The following LRRC4C variants were observed in gnomAD, a reference collection of about 807,000 sequenced individuals.
The protein encoded by LRRC4C is leucine-rich repeat-containing protein 4C.
LRRC4C carries 5 observed loss-of-function variants against 33.6 expected under a neutral mutation model. That is an observed-to-expected ratio of 0.15 (90% CI 0.08 to 0.31). LRRC4C has a LOEUF of 0.31. Ranked by LOEUF, LRRC4C falls within the 10% of genes least tolerant of loss-of-function variation. The probability of loss-of-function intolerance (pLI) is 1.00; values close to 1 mark genes in which losing one functional copy is unlikely to be tolerated. For missense variants in LRRC4C, 560 were observed against 796.7 expected (o/e 0.70, Z 3.58); for synonymous variants, 329 against 302.0 (o/e 1.09, Z -0.93).
intron 1 of LRRC4C, among the ~76,000 whole-genome samples, chr11:40,991,086 A>G (rs551596933): frequency 6.6e-6 from 1 of 151,776 alleles, no homozygotes; most frequent in Admixed American, 6.6e-5. Context: ...TTACAAAAAA[A>G]AAAAAAAGAA....
chr11:40,236,664 A>C (rs2136056616), intron 5 of LRRC4C, among the ~76,000 whole-genome samples: 1 of 152,220 alleles, frequency 6.6e-6, no homozygotes, highest in South Asian at 2.1e-4. Context: ...TTTTCCCTGT[A>C]ATAGCAATAT....
At chr11:40,559,445 A>C (rs1565504555) in intron 3 of LRRC4C, among the ~76,000 whole-genome samples, 2 of 152,108 alleles carry the variant, frequency 1.3e-5, no homozygotes, top group Non-Finnish European at 2.9e-5. Context: ...TTGGCCTCCC[A>C]AAGTGCTGGG....
intron 4 of LRRC4C, among the ~76,000 whole-genome samples, chr11:40,257,074 T>C (rs2136224335): frequency 6.6e-6 from 1 of 152,268 alleles, no homozygotes; most frequent in African/African-American, 2.4e-5. Context: ...GCTCTTGTAT[T>C]TTGAAGGGCT....
intron 1 of LRRC4C, among the ~76,000 whole-genome samples, chr11:40,937,605 G>GTC (rs1565221151): frequency 1.0e-5 from 1 of 99,268 alleles, no homozygotes; most frequent in Non-Finnish European, 2.1e-5. Flanking sequence ...GTGTGTATAT[G>GTC]TGTGTGTGTG....
chr11:41,218,025 A>T (rs1015447931), intron 1 of LRRC4C, among the ~76,000 whole-genome samples: 1 of 152,150 alleles, frequency 6.6e-6, no homozygotes, highest in Non-Finnish European at 1.5e-5. Context: ...TCCAAATAAA[A>T]TGAGGCCTAC....
chr11:40,172,469 C>T (rs1170901432), intron 5 of LRRC4C, among the ~76,000 whole-genome samples: 1 of 152,026 alleles, frequency 6.6e-6, no homozygotes, highest in Non-Finnish European at 1.5e-5. Context: ...TTTCCTATTC[C>T]ACTTCCTAAG....
At chr11:40,356,506 C>T (rs975766382) in intron 3 of LRRC4C, among the ~76,000 whole-genome samples, 8 of 152,088 alleles carry the variant, frequency 5.3e-5, no homozygotes, top group Admixed American at 4.6e-4. Context: ...AATGTCTGGC[C>T]GCTAAGGGTA....
intron 1 of LRRC4C, among the ~76,000 whole-genome samples, chr11:41,133,777 C>T (rs916291948): frequency 6.6e-6 from 1 of 152,136 alleles, no homozygotes; most frequent in African/African-American, 2.4e-5. Context: ...ACATAGCATC[C>T]TTATCTTACC....
At chr11:40,627,478 C>T (rs904788706) in intron 3 of LRRC4C, among the ~76,000 whole-genome samples, 1 of 152,048 alleles carries the variant, frequency 6.6e-6, no homozygotes, top group African/African-American at 2.4e-5. Context: ...AAGTCTCATT[C>T]TTGTAAAATA....
At chr11:41,416,819 C>A (rs1043998218) in intron 1 of LRRC4C, among the ~76,000 whole-genome samples, 1 of 151,918 alleles carries the variant, frequency 6.6e-6, no homozygotes, top group African/African-American at 2.4e-5. Context: ...TGTGTGAAAA[C>A]GCATCAAAAG....
intron 5 of LRRC4C, among the ~76,000 whole-genome samples, chr11:40,207,100 C>T (rs552356983): frequency 2.6e-5 from 4 of 152,280 alleles, no homozygotes; most frequent in East Asian, 1.9e-4. Context: ...CCAATATTCA[C>T]GAACTCATTA....
At chr11:40,216,187 T>G (rs1430582826) in intron 5 of LRRC4C, among the ~76,000 whole-genome samples, 2 of 152,186 alleles carry the variant, frequency 1.3e-5, no homozygotes, top group African/African-American at 4.8e-5. Context: ...CTCTCATCAC[T>G]CACTACTTGG....
At chr11:40,628,272 T>C (rs1467956440) in intron 3 of LRRC4C, among the ~76,000 whole-genome samples, 1 of 151,914 alleles carries the variant, frequency 6.6e-6, no homozygotes, top group Non-Finnish European at 1.5e-5. Context: ...GGTCAGGAGA[T>C]CGAGACCATC....
chr11:41,020,103 A>G (rs980103074), intron 1 of LRRC4C, among the ~76,000 whole-genome samples: 4 of 152,072 alleles, frequency 2.6e-5, no homozygotes, highest in Non-Finnish European at 5.9e-5. Context: ...CCCTACTTTT[A>G]ACTATTGACA....
intron 2 of LRRC4C, among the ~76,000 whole-genome samples, chr11:40,697,995 G>C (rs1378059723): frequency 6.6e-6 from 1 of 151,146 alleles, no homozygotes; most frequent in Non-Finnish European, 1.5e-5. Flanking sequence ...ATGAACCCGG[G>C]AGGCAGAGCT....
intron 3 of LRRC4C, among the ~76,000 whole-genome samples, chr11:40,436,463 A>G (rs1234480652): frequency 2.0e-5 from 3 of 152,174 alleles, no homozygotes; most frequent in Non-Finnish European, 2.9e-5. Flanking sequence ...TGGCCAGGAG[A>G]AATACATTTC....
At chr11:41,336,709 G>A (rs1212305046) in intron 1 of LRRC4C, among the ~76,000 whole-genome samples, 1 of 152,180 alleles carries the variant, frequency 6.6e-6, no homozygotes, top group African/African-American at 2.4e-5. Flanking sequence ...CCAGCTTCAT[G>A]TCTTCCCTCC....
intron 1 of LRRC4C, among the ~76,000 whole-genome samples, chr11:41,199,437 C>A (rs1028731457): frequency 2.0e-5 from 3 of 152,028 alleles, no homozygotes; most frequent in Non-Finnish European, 2.9e-5. Context: ...CTCTTCCGGG[C>A]AGTCTTGCAA....
rs182316595 is a variant in LRRC4C, at chr11:40,376,271, G to A, written c.-269-56550C>T. Among the ~76,000 whole-genome samples the A allele has an allele frequency of 7.9e-5, 12 of 152,250 alleles. No homozygotes were observed. The South Asian group carries it at 1.9e-3, about 24-fold the overall frequency. On this transcript the variant is annotated intron_variant, in intron 3 of 6. Coordinates refer to ENST00000528697, the MANE Select transcript of LRRC4C (RefSeq NM_001258419.2). ...TCAGACATTCCAAGATTGAAATGGA[G>A]CTATAGTTAACAACCTCAAGCACAT...
Sources: gnomAD v4.1 joint callset for allele counts (sites outside exome capture counted in the v4.1 genomes callset) on GRCh38, gnomAD v4.1.1 for gene constraint, MANE v1.5 for transcripts, NCBI Gene and HGNC (gene_info 2026-07-23, HGNC 2026-07-21) for gene names.